Variants in CKS2 observed in about 807,000 individuals in gnomAD.
The protein encoded by CKS2 is CDC28 protein kinase regulatory subunit 2.
A neutral mutation model predicts 14.3 loss-of-function variants in CKS2; 4 were observed. That is an observed-to-expected ratio of 0.28 (90% CI 0.14 to 0.64). CKS2 has a LOEUF of 0.64. Among genes scored for constraint, CKS2 ranks in the 30% least tolerant of loss-of-function variants. The pLI, the probability that CKS2 is intolerant of heterozygous loss-of-function variation, is 0.83. For missense variants in CKS2, 71 were observed against 94.3 expected (o/e 0.75, Z 1.02); for synonymous variants, 33 against 28.7 (o/e 1.15, Z -0.48).
chr9:89,315,316 T>C lies in CKS2; in HGVS notation c.187+19T>C, dbSNP rs779072933. On this transcript the variant is annotated intron_variant, in intron 2 of 2. Transcript: ENST00000314355. ...GAGCCAGGTAAGCTATGCTATGTTA[T>C]AGTAAAGCAGTAATTGTTGAAATAT... is the stretch of plus-strand genomic sequence containing the variant. 4.6e-6 allele frequency: 7 copies of C among 1,537,502 alleles called. No individual in the cohort carries two copies. Among genetic ancestry groups the C allele is most frequent in the Admixed American group, 2.0e-5 (1 of 50,672 alleles).
chr9:89,311,912 C>A (rs1308837114), intron 1 of CKS2, among the ~76,000 whole-genome samples: 1 of 152,046 alleles, frequency 6.6e-6, no homozygotes, highest in African/African-American at 2.4e-5. Flanking sequence ...GAACACTTTT[C>A]TTTTTCTTGT....
At chr9:89,316,110 A>G (rs1168770166) in intron 2 of CKS2, among the ~76,000 whole-genome samples, 2 of 151,914 alleles carry the variant, frequency 1.3e-5, no homozygotes, top group African/African-American at 4.8e-5. Flanking sequence ...ACCTATTGAA[A>G]CAGAATCTAT....
At chr9:89,312,934 G>A (rs971380923) in intron 1 of CKS2, among the ~76,000 whole-genome samples, 14 of 152,098 alleles carry the variant, frequency 9.2e-5, no homozygotes, top group African/African-American at 3.1e-4. Context: ...AATAAATGAA[G>A]CTATTTCTCA....
At chr9:89,312,647 C>T (rs961501170) in intron 1 of CKS2, among the ~76,000 whole-genome samples, 1 of 152,126 alleles carries the variant, frequency 6.6e-6, no homozygotes, top group Non-Finnish European at 1.5e-5. Flanking sequence ...GTATTCCTAG[C>T]TAGAAAAATA....
chr9:89,311,201 C>A lies in CKS2; in HGVS notation c.-92C>A. ...GATCGTTGGGACTGCGGTCGTTAGT[C>A]TCCGGCGAGTTGTTGCCTGGGCTGG... On this transcript the variant is annotated 5_prime_UTR_variant, in exon 1 of 3. Coordinates refer to ENST00000314355, the MANE Select transcript of CKS2 (RefSeq NM_001827.3). 1 of 1,039,116 alleles carries A rather than the reference C, an allele frequency of 9.6e-7. No individual in the cohort carries two copies. Among genetic ancestry groups the A allele is most frequent in the Non-Finnish European group, 1.5e-6 (1 of 681,672 alleles). The allele number at this position is 1,039,116 out of a possible 1,614,324, so 64.4% of individuals were successfully genotyped here.
In CKS2 at chr9:89,311,365, T is replaced by A. The variant is rs1341766857; in HGVS notation, c.59+14T>A. On this transcript the variant is annotated intron_variant, in intron 1 of 2. Coordinates refer to ENST00000314355, the MANE Select transcript of CKS2 (RefSeq NM_001827.3). Reference sequence around the variant, plus strand: ...CTACGAGTACCGGTGGGCGCCTTTCTTAGACCCCGAGCCGGCTCCCTCAGC... The same window carrying A: ...CTACGAGTACCGGTGGGCGCCTTTCATAGACCCCGAGCCGGCTCCCTCAGC... 6.3e-7 allele frequency: 1 copy of A among 1,597,516 alleles called. No homozygotes were observed. Among genetic ancestry groups the A allele is most frequent in the Non-Finnish European group, 8.5e-7 (1 of 1,173,842 alleles).
Position 89,311,210 on chromosome 9 carries a change from G to T in CKS2, c.-83G>T, listed in dbSNP as rs148627013. ...GACTGCGGTCGTTAGTCTCCGGCGA[G>T]TTGTTGCCTGGGCTGGACGTGGTTT... On this transcript the variant is annotated 5_prime_UTR_variant, in exon 1 of 3. Transcript: ENST00000314355. 6.8e-6 allele frequency: 8 copies of T among 1,169,842 alleles called. No homozygotes were observed. The highest frequency in any genetic ancestry group is 1.0e-5 in the Non-Finnish European group (8 of 794,160). The allele number at this position is 1,169,842 out of a possible 1,614,324, so 72.5% of individuals were successfully genotyped here.
Position 89,316,422 on chromosome 9 carries a change from A to C in CKS2, c.237A>C (p.Lys79Asn). The C allele has an allele frequency of 6.3e-7, 1 of 1,582,300 alleles. No individual in the cohort carries two copies. The highest frequency in any genetic ancestry group is 1.1e-5 in the South Asian group (1 of 89,200). ...GACCTCTTCCAAAAGATCAACAAAAATGAAGTTTATCTGGGGATCGTCAAA... is the reference window on the plus strand; with the variant it reads ...GACCTCTTCCAAAAGATCAACAAAACTGAAGTTTATCTGGGGATCGTCAAA... ...FRRPLPKDQQK is the reference protein window; with the variant it reads ...FRRPLPKDQQN The change falls in exon 3 of 3, where the codon AAA (lysine) becomes AAC (asparagine). Residue 79 changes from lysine to asparagine, a missense_variant. By Grantham distance (94) the Lys-to-Asn change is moderately conservative. Coordinates refer to ENST00000314355, the MANE Select transcript of CKS2 (RefSeq NM_001827.3).
chr9:89,312,827 A>G (rs748362331), intron 1 of CKS2, among the ~76,000 whole-genome samples: 6 of 152,226 alleles, frequency 3.9e-5, no homozygotes, highest in Non-Finnish European at 7.3e-5. Context: ...TAATCTTACT[A>G]AAACCTAGAA....
intron 2 of CKS2, 152 bp downstream of exon 2, chr9:89,315,449 G>A: frequency 1.0e-5 from 5 of 477,820 alleles, no homozygotes; most frequent in South Asian, 6.7e-5. Flanking sequence ...TCTTGACTCT[G>A]GAGAGAGTTC....
intron 1 of CKS2, 73 bp downstream of exon 1, chr9:89,311,424 G>A: frequency 1.6e-6 from 2 of 1,219,802 alleles, no homozygotes; most frequent in Non-Finnish European, 2.3e-6. Context: ...CCCAGGCATA[G>A]TAGGGTCGGG....
At chr9:89,311,654 T>C (rs1282444818) in intron 1 of CKS2, among the ~76,000 whole-genome samples, 1 of 152,188 alleles carries the variant, frequency 6.6e-6, no homozygotes, top group Non-Finnish European at 1.5e-5. Flanking sequence ...TTGGGGGTCA[T>C]GGGGTCCTCG....
rs1824602424 is a variant in CKS2 at position 89,311,359 on chromosome 9, CCTTT to C, written c.59+12_59+15del. 6.2e-6 allele frequency: 10 copies of C among 1,601,274 alleles called. No individual in the cohort carries two copies. The highest frequency in any genetic ancestry group is 1.1e-5 in the South Asian group (1 of 89,844). On this transcript the variant is annotated intron_variant, in intron 1 of 2. Coordinates refer to ENST00000314355, the MANE Select transcript of CKS2 (RefSeq NM_001827.3). ...CGAACACTACGAGTACCGGTGGGCG[CCTTT>C]CTTAGACCCCGAGCCGGCTCCCTCA... is the stretch of plus-strand genomic sequence containing the variant.
At chr9:89,316,200 T>G (rs1396025078) in intron 2 of CKS2, among the ~76,000 whole-genome samples, 173 bp from the exon 3 acceptor site, 1 of 152,182 alleles carries the variant, frequency 6.6e-6, no homozygotes. Context: ...CTTTTTACTT[T>G]TAATCTATTT....
chr9:89,315,062 T>A (rs1363433663), intron 1 of CKS2, 108 bp from the exon 2 acceptor site: 4 of 859,660 alleles, frequency 4.7e-6, no homozygotes, highest in Non-Finnish European at 6.8e-6. Flanking sequence ...TTAAAGGTAG[T>A]AGATTGCAGT....
intron 1 of CKS2, among the ~76,000 whole-genome samples, chr9:89,312,663 T>C (rs1276239251): frequency 6.6e-6 from 1 of 152,220 alleles, no homozygotes; most frequent in African/African-American, 2.4e-5. Flanking sequence ...AAATAGCATG[T>C]TTTTCTGGCT....
At position 89,311,204 on chromosome 9, in the gene CKS2, C is replaced by A; in HGVS notation, c.-89C>A. 2 of 1,083,968 alleles carry A rather than the reference C, an allele frequency of 1.8e-6. No individual in the cohort carries two copies. The highest frequency in any genetic ancestry group is 2.8e-6 in the Non-Finnish European group (2 of 720,390). The allele number at this position is 1,083,968 out of a possible 1,614,324, so 67.1% of individuals were successfully genotyped here. A position where few individuals can be genotyped will look rare whatever the true frequency, so the allele number is the denominator to read the frequency against. Reference sequence around the variant, plus strand: ...CGTTGGGACTGCGGTCGTTAGTCTCCGGCGAGTTGTTGCCTGGGCTGGACG... The same window carrying A: ...CGTTGGGACTGCGGTCGTTAGTCTCAGGCGAGTTGTTGCCTGGGCTGGACG... On this transcript the variant is annotated 5_prime_UTR_variant, in exon 1 of 3. Coordinates refer to ENST00000314355, the MANE Select transcript of CKS2 (RefSeq NM_001827.3).
chr9:89,316,338 A>G (rs1173937745), intron 2 of CKS2, 35 bp from the exon 3 acceptor site: 1 of 1,364,162 alleles, frequency 7.3e-7, no homozygotes, highest in East Asian at 2.3e-5. Flanking sequence ...TATGAAAATC[A>G]TATTAAAATG....
intron 2 of CKS2, 119 bp downstream of exon 2, chr9:89,315,416 GTTTTT>G (rs549012531): frequency 1.5e-6 from 1 of 646,336 alleles, no homozygotes; most frequent in African/African-American, 2.0e-5. Context: ...GTTCTGATAA[GTTTTT>G]TTTTTTAATG....
Sources: gnomAD v4.1 joint callset for allele counts (sites outside exome capture counted in the v4.1 genomes callset) on GRCh38, gnomAD v4.1.1 for gene constraint, MANE v1.5 for transcripts, NCBI Gene and HGNC (gene_info 2026-07-23, HGNC 2026-07-21) for gene names.